The following HS6ST3 variants were observed in gnomAD, a reference collection of about 807,000 sequenced individuals.
The protein encoded by HS6ST3 is heparan-sulfate 6-O-sulfotransferase 3.
A neutral mutation model predicts 36.7 loss-of-function variants in HS6ST3; 12 were observed. That is an observed-to-expected ratio of 0.33 (90% confidence interval 0.21 to 0.53). The LOEUF (loss-of-function observed/expected upper bound fraction) is 0.53, where lower values mean the gene tolerates loss of function less well. Ranked by LOEUF, HS6ST3 falls within the 20% of genes least tolerant of loss-of-function variation. HS6ST3 has a pLI of 0.95. For synonymous variants in HS6ST3, 240 were observed against 257.5 expected, an observed-to-expected ratio of 0.93 and a Z score of 0.65; for missense variants, 584 against 640.9, an observed-to-expected ratio of 0.91 and a Z score of 0.96.
At chr13:96,712,752 A>C (rs1333071607) in intron 1 of HS6ST3, among the ~76,000 whole-genome samples, 1 of 151,908 alleles carries the variant, frequency 6.6e-6, no homozygotes, top group East Asian at 1.9e-4. Flanking sequence ...AATCTGATGC[A>C]AATTCTGGTC....
rs532357922 is a variant in HS6ST3 at position 96,762,054 on chromosome 13, T to C, written c.708-70436T>C. On this transcript the variant is annotated intron_variant, in intron 1 of 1. Coordinates refer to ENST00000376705, the MANE Select transcript of HS6ST3 (RefSeq NM_153456.4). ...CTACATTTAAGTTATTTTTATGTTT[T>C]TATATATATATATACACATATACGT... 1.7e-4 allele frequency among the ~76,000 whole-genome samples: 25 copies of C among 151,386 alleles called. 1 individual carries two copies. Among genetic ancestry groups the C allele is most frequent in the Admixed American group, 1.3e-3 (19 of 15,174 alleles).
intron 1 of HS6ST3, among the ~76,000 whole-genome samples, chr13:96,737,155 AAAG>A (rs1312395177): frequency 1.3e-5 from 2 of 152,218 alleles, no homozygotes; most frequent in African/African-American, 4.8e-5. Flanking sequence ...AGAAAGAGAG[AAAG>A]AAGAATTTAT....
intron 1 of HS6ST3, among the ~76,000 whole-genome samples, chr13:96,643,637 A>C (rs766442307): frequency 1.8e-4 from 28 of 151,766 alleles, no homozygotes; most frequent in Admixed American, 9.9e-4. Context: ...TGTAAAGTTG[A>C]CTGGGTGAGC....
rs1405173753 is a variant in HS6ST3, at chr13:96,330,085, T to A, written c.707+238516T>A. Among the ~76,000 whole-genome samples, 3 of 141,038 alleles carry A rather than the reference T, an allele frequency of 2.1e-5. 1 individual carries two copies. The East Asian group carries it at 6.5e-4, about 31-fold the overall frequency. The allele number at this position is 141,038 out of a possible 152,430, so 92.5% of individuals were successfully genotyped here. ...TTGAGCCTATGTGTGTCTCTGCATG[T>A]GAGATGGGTTTCCTGAATACAGCAC... On this transcript the variant is annotated intron_variant, in intron 1 of 1. Transcript: ENST00000376705.
chr13:96,207,841 G>C (rs1261231678), intron 1 of HS6ST3, among the ~76,000 whole-genome samples: 2 of 152,098 alleles, frequency 1.3e-5, no homozygotes, highest in Non-Finnish European at 2.9e-5. Flanking sequence ...TTGGTGCCAT[G>C]GGGGAAGGGA....
intron 1 of HS6ST3, among the ~76,000 whole-genome samples, chr13:96,614,581 G>A (rs2056467790): frequency 6.6e-6 from 1 of 152,182 alleles, no homozygotes; most frequent in African/African-American, 2.4e-5. Flanking sequence ...CTTTGTATGA[G>A]TTGATCTTTC....
intron 1 of HS6ST3, among the ~76,000 whole-genome samples, chr13:96,764,520 G>A (rs969992473): frequency 6.6e-6 from 1 of 152,160 alleles, no homozygotes; most frequent in African/African-American, 2.4e-5. Context: ...GATTAGTGTC[G>A]TTGCCCACTC....
intron 1 of HS6ST3, among the ~76,000 whole-genome samples, chr13:96,376,240 G>A (rs576196882): frequency 6.4e-4 from 98 of 152,272 alleles, no homozygotes; most frequent in African/African-American, 2.1e-3. Context: ...TAGAACAAAT[G>A]TGCAAATATG....
intron 1 of HS6ST3, among the ~76,000 whole-genome samples, chr13:96,597,938 C>A (rs2138980111): frequency 6.6e-6 from 1 of 152,046 alleles, no homozygotes; most frequent in Admixed American, 6.6e-5. Context: ...AATTCCTTTC[C>A]CCAGTGTAGG....
At chr13:96,380,222 T>C (rs1023249278) in intron 1 of HS6ST3, among the ~76,000 whole-genome samples, 1 of 151,920 alleles carries the variant, frequency 6.6e-6, no homozygotes, top group East Asian at 1.9e-4. Flanking sequence ...TGTTCCCAGA[T>C]GACATATGAA....
chr13:96,408,650 A>G (rs449524), intron 1 of HS6ST3, among the ~76,000 whole-genome samples: 73,153 of 152,004 alleles, frequency 0.48, 18,009 homozygotes, highest in Middle Eastern at 0.59. Flanking sequence ...CAGGTCAGGC[A>G]TGGTGGCTCA....
intron 1 of HS6ST3, among the ~76,000 whole-genome samples, chr13:96,685,513 T>C (rs1022129242): frequency 6.6e-6 from 1 of 152,052 alleles, no homozygotes; most frequent in African/African-American, 2.4e-5. Flanking sequence ...GTATTTGTGT[T>C]AGATACTACA....
chr13:96,190,912 G>C (rs192240285), intron 1 of HS6ST3, among the ~76,000 whole-genome samples: 2 of 147,376 alleles, frequency 1.4e-5, no homozygotes, highest in Admixed American at 1.3e-4. Context: ...CAGTGGGGCT[G>C]AGTGACACAA....
chr13:96,412,408 G>A (rs541715265), intron 1 of HS6ST3, among the ~76,000 whole-genome samples: 30 of 152,308 alleles, frequency 2.0e-4, no homozygotes, highest in African/African-American at 6.3e-4. Flanking sequence ...TCAAGGGTGG[G>A]AAGGAGAACA....
intron 1 of HS6ST3, among the ~76,000 whole-genome samples, chr13:96,312,548 G>T (rs1438143870): frequency 6.6e-6 from 1 of 151,946 alleles, no homozygotes; most frequent in African/African-American, 2.4e-5. Flanking sequence ...AAAGAGCTCT[G>T]TTAAAAATCT....
intron 1 of HS6ST3, among the ~76,000 whole-genome samples, chr13:96,219,683 CTCTT>C (rs2054445453): frequency 6.6e-6 from 1 of 151,964 alleles, no homozygotes; most frequent in South Asian, 2.1e-4. Flanking sequence ...AGGCAGGATT[CTCTT>C]TCTTTTTTTT....
chr13:96,522,164 G>GT (rs2056096121), intron 1 of HS6ST3, among the ~76,000 whole-genome samples: 1 of 152,206 alleles, frequency 6.6e-6, no homozygotes, highest in Non-Finnish European at 1.5e-5. Context: ...GCGGTTTTGA[G>GT]TGAGTTTCTT....
chr13:96,235,367 C>G (rs1316644140), intron 1 of HS6ST3, among the ~76,000 whole-genome samples: 2 of 152,096 alleles, frequency 1.3e-5, no homozygotes, highest in Non-Finnish European at 2.9e-5. Flanking sequence ...AGGCAGTCAA[C>G]TGATGTTTGA....
At chr13:96,377,924 T>C (rs9516671) in intron 1 of HS6ST3, among the ~76,000 whole-genome samples, 43,728 of 152,092 alleles carry the variant, frequency 0.29, 7,804 homozygotes, top group Non-Finnish European at 0.4. Flanking sequence ...AGGGATACAA[T>C]AAAATACCTG....
Sources: gnomAD v4.1 joint callset for allele counts (sites outside exome capture counted in the v4.1 genomes callset) on GRCh38, gnomAD v4.1.1 for gene constraint, MANE v1.5 for transcripts, NCBI Gene and HGNC (gene_info 2026-07-23, HGNC 2026-07-21) for gene names.